Variants in RASGRF2 observed in about 807,000 individuals in gnomAD.
RASGRF2 encodes the protein ras-specific guanine nucleotide-releasing factor 2.
RASGRF2 carries 76 observed loss-of-function variants against 151.0 expected under a neutral mutation model. The observed-to-expected ratio is 0.50, with a 90% CI of 0.42 to 0.61. The LOEUF is 0.61. RASGRF2 is among the 20% of genes least tolerant of loss of function. The probability of loss-of-function intolerance (pLI) is 0.00; values close to 1 mark genes in which losing one functional copy is unlikely to be tolerated. For missense variants in RASGRF2, 1,148 were observed against 1,564.6 expected (o/e 0.73, Z 4.49); for synonymous variants, 504 against 566.5 (o/e 0.89, Z 1.57).
intron 1 of RASGRF2, among the ~76,000 whole-genome samples, chr5:81,038,685 C>T (rs1209193857): frequency 6.7e-6 from 1 of 150,034 alleles, no homozygotes; most frequent in Non-Finnish European, 1.5e-5. Flanking sequence ...CAGCAGTCCT[C>T]CTGCCTCAGC....
chr5:81,078,642 TC>T (rs1228410678), intron 5 of RASGRF2, among the ~76,000 whole-genome samples: 1 of 152,226 alleles, frequency 6.6e-6, no homozygotes, highest in Non-Finnish European at 1.5e-5. Flanking sequence ...CCTAGGCAGC[TC>T]AATAATTTTG....
At chr5:80,974,819 C>A (rs189350393) in intron 1 of RASGRF2, among the ~76,000 whole-genome samples, 1 of 152,268 alleles carries the variant, frequency 6.6e-6, no homozygotes, top group East Asian at 1.9e-4. Flanking sequence ...TTGATGAATG[C>A]TGGACATTGG....
At position 81,073,381 on chromosome 5, in the gene RASGRF2, C is replaced by T; in HGVS notation, c.816C>T (p.Pro272=). 1.2e-6 allele frequency: 2 copies of T among 1,614,158 alleles called. No homozygotes were observed. The highest frequency in any genetic ancestry group is 2.2e-5 in the East Asian group (1 of 44,878). ...TCCTGGTCAATGGCTTTCTCCGGCCCCTGCGTATGGCCGCCAGCTCCAAGA... is the reference window on the plus strand; with the variant it reads ...TCCTGGTCAATGGCTTTCTCCGGCCTCTGCGTATGGCCGCCAGCTCCAAGA... ...LYILVNGFLR[P]LRMAASSKKP... The change falls in exon 5 of 27, where the codon CCC becomes CCT. Residue 272 remains proline, a synonymous_variant. Coordinates refer to ENST00000265080, the MANE Select transcript of RASGRF2 (RefSeq NM_006909.3).
intron 1 of RASGRF2, among the ~76,000 whole-genome samples, chr5:80,989,169 C>T (rs545286439): frequency 6.6e-6 from 1 of 152,214 alleles, no homozygotes; most frequent in Non-Finnish European, 1.5e-5. Context: ...TGGGGTTTCT[C>T]CATGTTGGCC....
intron 2 of RASGRF2, among the ~76,000 whole-genome samples, chr5:81,061,333 A>G (rs2112438195): frequency 6.6e-6 from 1 of 152,262 alleles, no homozygotes; most frequent in East Asian, 1.9e-4. Context: ...AAGGCAAAGG[A>G]TATAACCATT....
intron 18 of RASGRF2, 120 bp from the exon 19 acceptor site, chr5:81,201,210 T>G (rs1055002417): frequency 1.4e-6 from 2 of 1,420,420 alleles, no homozygotes; most frequent in Non-Finnish European, 9.3e-7. Context: ...AACTCTAGGG[T>G]CCATACATTT....
intron 1 of RASGRF2, among the ~76,000 whole-genome samples, chr5:80,986,280 T>C (rs1580169332): frequency 6.6e-6 from 1 of 152,210 alleles, no homozygotes; most frequent in Admixed American, 6.5e-5. Context: ...AAGACATTCA[T>C]GGAGTTAAAT....
At chr5:81,135,687 G>A (rs185609547) in intron 17 of RASGRF2, among the ~76,000 whole-genome samples, 5 of 152,238 alleles carry the variant, frequency 3.3e-5, no homozygotes, top group Non-Finnish European at 7.4e-5. Flanking sequence ...ATGAGCTAAT[G>A]GACATTGAGG....
chr5:81,145,465 C>G (rs1176691208), intron 17 of RASGRF2, among the ~76,000 whole-genome samples: 2 of 152,166 alleles, frequency 1.3e-5, no homozygotes, highest in Non-Finnish European at 2.9e-5. Flanking sequence ...TGCTAAATTT[C>G]CCTTCTCTTT....
intron 2 of RASGRF2, among the ~76,000 whole-genome samples, chr5:81,057,759 C>T (rs552970065): frequency 6.6e-6 from 1 of 152,168 alleles, no homozygotes; most frequent in South Asian, 2.1e-4. Context: ...CTTTGGGAAG[C>T]CGAGGCCAGT....
intron 17 of RASGRF2, among the ~76,000 whole-genome samples, chr5:81,150,632 G>A (rs1222113313): frequency 7.9e-5 from 12 of 151,976 alleles, no homozygotes; most frequent in African/African-American, 1.2e-4. Context: ...GTATGTGCAC[G>A]TGAACACACA....
chr5:80,976,467 C>A (rs1748119318), intron 1 of RASGRF2, among the ~76,000 whole-genome samples: 1 of 152,162 alleles, frequency 6.6e-6, no homozygotes, highest in South Asian at 2.1e-4. Flanking sequence ...AAGTATATAA[C>A]TAGGAAGGAA....
intron 1 of RASGRF2, among the ~76,000 whole-genome samples, chr5:80,969,660 C>A (rs1445539975): frequency 6.8e-6 from 1 of 147,472 alleles, no homozygotes; most frequent in Admixed American, 6.8e-5. Context: ...ACCGTGTTAG[C>A]CAGGATGATC....
At chr5:81,187,839 G>A (rs1329112929) in intron 18 of RASGRF2, among the ~76,000 whole-genome samples, 1 of 152,164 alleles carries the variant, frequency 6.6e-6, no homozygotes, top group Non-Finnish European at 1.5e-5. Flanking sequence ...AGATGACAGG[G>A]GCGGCTTCTA....
chr5:81,142,124 A>G (rs1023428790), intron 17 of RASGRF2, among the ~76,000 whole-genome samples: 4 of 152,132 alleles, frequency 2.6e-5, no homozygotes, highest in African/African-American at 4.8e-5. Context: ...TTACATATCA[A>G]TTTTCTGTTT....
chr5:81,057,614 A>G (rs535344519), intron 2 of RASGRF2, among the ~76,000 whole-genome samples: 1 of 152,330 alleles, frequency 6.6e-6, no homozygotes, highest in Admixed American at 6.5e-5. Context: ...TTCGGTACAC[A>G]CATGCATTGT....
intron 17 of RASGRF2, among the ~76,000 whole-genome samples, chr5:81,135,104 C>G (rs1753721578): frequency 6.7e-6 from 1 of 148,952 alleles, no homozygotes; most frequent in Non-Finnish European, 1.5e-5. Context: ...CCCAGGAGTT[C>G]AAGACCAACC....
intron 1 of RASGRF2, among the ~76,000 whole-genome samples, chr5:81,037,817 C>A (rs1309028191): frequency 1.3e-5 from 2 of 151,966 alleles, no homozygotes; most frequent in Non-Finnish European, 2.9e-5. Flanking sequence ...TCCCATGTAC[C>A]CCTCCTTGAA....
chr5:81,189,579 C>G (rs1013468370), intron 18 of RASGRF2, among the ~76,000 whole-genome samples: 2 of 151,492 alleles, frequency 1.3e-5, no homozygotes, highest in African/African-American at 2.4e-5. Flanking sequence ...TAGCCTTGAC[C>G]TACCCCTTGC....
Sources: allele counts gnomAD v4.1 joint callset (sites outside exome capture counted in the v4.1 genomes callset), GRCh38; gene constraint gnomAD v4.1.1; transcripts MANE v1.5; gene names NCBI Gene and HGNC (gene_info 2026-07-23, HGNC 2026-07-21).